UBA52: variants seen among roughly 807,000 people sequenced by gnomAD.
UBA52 encodes ubiquitin-ribosomal protein eL40 fusion protein.
In UBA52, 1 loss-of-function variant was observed where a neutral mutation model predicts 15.3. That is an observed-to-expected ratio of 0.07 (90% confidence interval 0.02 to 0.31). The LOEUF is 0.31. UBA52 is among the 10% of genes least tolerant of loss of function. The pLI is 1.00. For missense variants in UBA52, 87 were observed against 168.0 expected, an observed-to-expected ratio of 0.52 and a Z score of 2.66; for synonymous variants, 50 against 58.3, an observed-to-expected ratio of 0.86 and a Z score of 0.65.
chr19:18,567,041 C>G (rs541860218), upstream of UBA52: 10 of 1,180,498 alleles, frequency 8.5e-6, no homozygotes, highest in East Asian at 2.5e-4. Context: ...TCTCCCCTTG[C>G]CCTCAGCTGG....
At chr19:18,568,392 C>T (rs1379168621), upstream of UBA52, 1 of 1,607,668 alleles carries the variant, frequency 6.2e-7, no homozygotes, top group Non-Finnish European at 8.5e-7. Flanking sequence ...CTTGGGCCTC[C>T]TTCCCCCAGA....
At position 18,573,868 on chromosome 19, in the gene UBA52, G is replaced by A. The variant is rs186699679; in HGVS notation, c.190+120G>A. 866 of 955,628 alleles carry A rather than the reference G, an allele frequency of 9.1e-4. 2 individuals are homozygous for A. The highest frequency in any genetic ancestry group is 1.1e-3 in the Non-Finnish European group (722 of 642,550). The allele number at this position is 955,628 out of a possible 1,614,324, so 59.2% of individuals were successfully genotyped here. A position where few individuals can be genotyped will look rare whatever the true frequency, so the allele number is the denominator to read the frequency against. On this transcript the variant is annotated intron_variant, in intron 3 of 4. Transcript: ENST00000442744. ...GACTTGTGTTTTGTTTAAAATAATG[G>A]GACTGGGCACAGTGGCTCATGCCTG... is the stretch of plus-strand genomic sequence containing the variant.
chr19:18,564,122 T>C, the UBA52 span, among the ~76,000 whole-genome samples: 2 of 151,838 alleles, frequency 1.3e-5, no homozygotes, highest in African/African-American at 2.4e-5. Flanking sequence ...CCTGACCTCA[T>C]GATCTGCCTG....
chr19:18,575,033 C>G (rs567311028), intron 4 of UBA52, 24 bp from the exon 5 acceptor site: 14 of 1,614,202 alleles, frequency 8.7e-6, no homozygotes, highest in Non-Finnish European at 1.2e-5. Context: ...TATGCCCTCA[C>G]CCACCCCTCC....
At chr19:18,567,292 G>T, upstream of UBA52, 1 of 1,106,888 alleles carries the variant, frequency 9.0e-7, no homozygotes, top group African/African-American at 1.5e-5. Context: ...AATGGGCAGT[G>T]GGTCTGGGGA....
At chr19:18,570,503 G>A (rs1260478417), upstream of UBA52, among the ~76,000 whole-genome samples, 2 of 140,508 alleles carry the variant, frequency 1.4e-5, no homozygotes, top group East Asian at 4.2e-4. Flanking sequence ...CACCCGCCGT[G>A]GCACTTTTTT....
In UBA52 at chr19:18,573,278, CCCTT is replaced by C. The variant is rs1975600958; in HGVS notation, c.-8-11_-8-8del. The stretch of plus-strand genomic sequence containing the variant: ...CATTGCTCACCAGTCTATCCTGCCT[CCCTT>C]CCTCCTGCAGACGCAAACATGCAGA... On this transcript the variant is annotated splice_polypyrimidine_tract_variant and intron_variant, in intron 1 of 4. Transcript: ENST00000442744. The C allele has an allele frequency of 6.2e-7, 1 of 1,612,756 alleles. No homozygotes were observed.
chr19:18,564,904 T>G, the UBA52 span: 1 of 1,613,774 alleles, frequency 6.2e-7, no homozygotes, highest in Admixed American at 1.7e-5. Context: ...GAGATGCTGC[T>G]CAACTTCAAC....
chr19:18,568,318 C>A, upstream of UBA52: 1 of 995,824 alleles, frequency 1.0e-6, no homozygotes, highest in South Asian at 1.4e-5. Context: ...TGAGGGCAGC[C>A]GTTAGGGGTC....
chr19:18,576,930 A>G lies in UBA52; in HGVS notation c.*1780A>G, dbSNP rs1975809343. 6.7e-6 allele frequency: 1 copy of G among 149,822 alleles called. No individual in the cohort carries two copies. Among genetic ancestry groups the G allele is most frequent in the African/African-American group, 2.4e-5 (1 of 40,818 alleles). 9.3% of individuals were successfully genotyped at this position (149,822 alleles called of 1,614,324 possible). ...TGATCTACCTGTCTTGGCCTTCCAA[A>G]GTGCTAGGATTACAAGCGTAAGCCA... is the stretch of plus-strand genomic sequence containing the variant. On this transcript the variant is annotated 3_prime_UTR_variant, in exon 5 of 5. Coordinates refer to ENST00000442744, the MANE Select transcript of UBA52 (RefSeq NM_001033930.3).
intron 3 of UBA52, among the ~76,000 whole-genome samples, chr19:18,574,246 T>C (rs979468319): frequency 1.3e-5 from 2 of 152,060 alleles, no homozygotes; most frequent in African/African-American, 4.8e-5. Context: ...TGAATTTTTT[T>C]ATCACTGCAA....
At position 18,577,479 on chromosome 19, in the gene UBA52, TCTTTTTG is replaced by T. The variant is rs1026460112; in HGVS notation, c.*2330_*2336del. ...CTGCTCACTCTCCTGGTCCGTGGAC[TCTTTTTG>T]AACTGTTAACACTCCCCGCAAAGGT... is the stretch of plus-strand genomic sequence containing the variant. On this transcript the variant is annotated 3_prime_UTR_variant, in exon 5 of 5. Coordinates refer to ENST00000442744, the MANE Select transcript of UBA52 (RefSeq NM_001033930.3). The T allele has an allele frequency of 6.6e-6, 1 of 152,184 alleles. No homozygotes were observed. Among genetic ancestry groups the T allele is most frequent in the Non-Finnish European group, 1.5e-5 (1 of 68,030 alleles). The allele number at this position is 152,184 out of a possible 1,614,324, so 9.4% of individuals were successfully genotyped here.
upstream of UBA52, among the ~76,000 whole-genome samples, chr19:18,570,902 G>T (rs541317550): frequency 1.3e-5 from 2 of 151,004 alleles, no homozygotes; most frequent in African/African-American, 2.4e-5. Flanking sequence ...GGTCAGGCTC[G>T]TCTCGAACTC....
upstream of UBA52, chr19:18,568,622 G>A (rs143551967): frequency 1.4e-5 from 22 of 1,609,288 alleles, no homozygotes; most frequent in Admixed American, 2.5e-4. Flanking sequence ...AGGAGATGAC[G>A]GGCGAATAGC....
the UBA52 span, among the ~76,000 whole-genome samples, chr19:18,565,835 A>G: frequency 6.6e-4 from 100 of 152,220 alleles, no homozygotes; most frequent in South Asian, 3.7e-3. Flanking sequence ...CTACAGGCGC[A>G]TGCTGCCACG....
Position 18,575,102 on chromosome 19 carries a change from G to A in UBA52, c.339G>A (p.Lys113=), listed in dbSNP as rs139916590. 1.7e-5 allele frequency: 28 copies of A among 1,614,100 alleles called. No homozygotes were observed. Among genetic ancestry groups the A allele is most frequent in the Non-Finnish European group, 2.4e-5 (28 of 1,180,052 alleles). ...CTCGTGCTGTCAACTGCCGCAAGAA[G>A]AAGTGTGGTCACACCAACAACCTGC... ...LHPRAVNCRK[K]KCGHTNNLRP... is the part of the protein sequence containing the mutation. The change falls in exon 5 of 5, where the codon AAG becomes AAA. Residue 113 remains lysine (K), a synonymous_variant. Transcript: ENST00000442744.
At chr19:18,568,478 C>A, upstream of UBA52, 2 of 1,614,134 alleles carry the variant, frequency 1.2e-6, no homozygotes, top group Non-Finnish European at 8.5e-7. Flanking sequence ...CCATTGCCAC[C>A]TCAGAACAGA....
the UBA52 span, among the ~76,000 whole-genome samples, chr19:18,565,844 C>T: frequency 1.3e-5 from 2 of 152,144 alleles, no homozygotes; most frequent in Admixed American, 6.6e-5. Context: ...CATGCTGCCA[C>T]GCCCAGCTGA....
chr19:18,567,667 C>T (rs746756007), upstream of UBA52, among the ~76,000 whole-genome samples: 26 of 152,158 alleles, frequency 1.7e-4, no homozygotes, highest in Non-Finnish European at 3.7e-4. Context: ...CTAGAGAGCT[C>T]GCGTGTTCTC....
Sources: allele counts gnomAD v4.1 joint callset (sites outside exome capture counted in the v4.1 genomes callset), GRCh38; gene constraint gnomAD v4.1.1; transcripts MANE v1.5; gene names NCBI Gene and HGNC (gene_info 2026-07-23, HGNC 2026-07-21).